Variants in RPAIN observed in about 807,000 individuals in gnomAD.
The protein encoded by RPAIN is RPA-interacting protein.
In RPAIN, 29 loss-of-function variants were observed where a neutral mutation model predicts 30.5. That is an observed-to-expected ratio of 0.95 (90% CI 0.71 to 1.30). The LOEUF (loss-of-function observed/expected upper bound fraction) is 1.30, where lower values mean the gene tolerates loss of function less well. RPAIN is among the 50% of genes most tolerant of loss of function. The probability of loss-of-function intolerance (pLI) is 0.00; values close to 1 mark genes in which losing one functional copy is unlikely to be tolerated. For synonymous variants in RPAIN, 101 were observed against 93.5 expected, an observed-to-expected ratio of 1.08 and a Z score of -0.46; for missense variants, 247 against 264.7, an observed-to-expected ratio of 0.93 and a Z score of 0.46.
At chr17:5,429,399 G>C (rs1009796442) in intron 6 of RPAIN, 9 of 985,318 alleles carry the variant, frequency 9.1e-6, no homozygotes, top group African/African-American at 1.7e-5. Context: ...TACTTAGCTG[G>C]AGCATTAGGT....
intron 2 of RPAIN, chr17:5,421,735 CCCTTGGAAATTATG>C (rs1205198804): frequency 1.9e-5 from 5 of 256,540 alleles, no homozygotes; most frequent in Non-Finnish European, 3.7e-5. Flanking sequence ...CTTGCCTCCA[CCCTTGGAAATTATG>C]ATTCAGTAGG....
intron 3 of RPAIN, 179 bp downstream of exon 3, chr17:5,423,008 C>T (rs1362242327): frequency 3.5e-6 from 2 of 572,566 alleles, no homozygotes; most frequent in South Asian, 2.4e-5. Context: ...TAAGGGTCTC[C>T]AGGGTGCTAG....
At chr17:5,421,252 G>C in intron 1 of RPAIN, 44 bp from the exon 2 acceptor site, 1 of 1,547,392 alleles carries the variant, frequency 6.5e-7, no homozygotes, top group Non-Finnish European at 8.7e-7. Flanking sequence ...TTTAAAAATA[G>C]AAATGCTTTT....
chr17:5,421,578 A>G (rs1914844790), intron 2 of RPAIN, 112 bp downstream of exon 2: 1 of 894,516 alleles, frequency 1.1e-6, no homozygotes. Flanking sequence ...CCCTAACCCC[A>G]TTTAGAATTC....
At chr17:5,421,789 T>G in intron 2 of RPAIN, 1 of 172,552 alleles carries the variant, frequency 5.8e-6, no homozygotes, top group Non-Finnish European at 1.2e-5. Flanking sequence ...TCTCTCCCTC[T>G]CTCTCGCTCT....
intron 6 of RPAIN, chr17:5,431,830 G>A: frequency 2.9e-6 from 1 of 349,842 alleles, no homozygotes; most frequent in South Asian, 2.2e-5. Context: ...TTTAGAGAAA[G>A]CCAAACATAT....
At position 5,424,785 on chromosome 17, in the gene RPAIN, CTG is replaced by C. The variant is rs923860599; in HGVS notation, c.314-1184_314-1183del. Reference sequence around the variant, plus strand: ...CCATGCAAGTGTTAGTTGTTAATGACTGTTGCTGTCGACTCTGGTTAGACTGT... The same window carrying C: ...CCATGCAAGTGTTAGTTGTTAATGACTTGCTGTCGACTCTGGTTAGACTGT... On this transcript the variant is annotated intron_variant, in intron 3 of 6. Transcript: ENST00000381209. Among the ~76,000 whole-genome samples the C allele has an allele frequency of 2.1e-4, 32 of 152,206 alleles. 1 individual carries two copies. Among genetic ancestry groups the C allele is most frequent in the Non-Finnish European group, 4.4e-5 (3 of 68,030 alleles).
intron 3 of RPAIN, 39 bp downstream of exon 3, chr17:5,422,868 C>G: frequency 6.8e-7 from 1 of 1,468,010 alleles, no homozygotes; most frequent in Non-Finnish European, 9.5e-7. Flanking sequence ...CTGTATTTAG[C>G]TACTGGAATA....
At chr17:5,425,793 G>A (rs1412002276) in intron 3 of RPAIN, among the ~76,000 whole-genome samples, 178 bp from the exon 4 acceptor site, 1 of 152,208 alleles carries the variant, frequency 6.6e-6, no homozygotes, top group African/African-American at 2.4e-5. Flanking sequence ...ACAGAGAGGA[G>A]GGAGAGGAAT....
intron 5 of RPAIN, 24 bp downstream of exon 5, chr17:5,426,323 C>T: frequency 2.5e-6 from 4 of 1,590,500 alleles, no homozygotes; most frequent in Non-Finnish European, 3.5e-6. Context: ...ACACAGATTT[C>T]ATGATACTTC....
At chr17:5,421,534 A>G (rs930762359) in intron 2 of RPAIN, 68 bp downstream of exon 2, 20 of 1,465,072 alleles carry the variant, frequency 1.4e-5, no homozygotes, top group Non-Finnish European at 6.5e-6. Context: ...GTCCTCTTTT[A>G]TTTGTTTACT....
rs1419728445 is a variant in RPAIN at position 5,432,743 on chromosome 17, T to C, written c.*172T>C. On this transcript the variant is annotated 3_prime_UTR_variant, in exon 7 of 7. Coordinates refer to ENST00000381209, the MANE Select transcript of RPAIN (RefSeq NM_001033002.4). ...TGTTCTTGGTCTTTTGTGACGCAGG[T>C]TGAAGGGGGAGGAATAGAAAAAGAC... The C allele has an allele frequency of 1.3e-6, 1 of 778,906 alleles. No individual in the cohort carries two copies. Among genetic ancestry groups the C allele is most frequent in the Middle Eastern group, 3.6e-4 (1 of 2,782 alleles). The allele number at this position is 778,906 out of a possible 1,614,324, so 48.2% of individuals were successfully genotyped here.
chr17:5,428,156 A>G lies in RPAIN; in HGVS notation c.575A>G (p.Glu192Gly). 3 of 1,614,150 alleles carry G rather than the reference A, an allele frequency of 1.9e-6. No homozygotes were observed. Among genetic ancestry groups the G allele is most frequent in the Non-Finnish European group, 2.5e-6 (3 of 1,180,004 alleles). The part of the protein sequence containing the change: ...EHSAHCPHTP[E>G]FSVTGGTEEK... ...AGTGCACATTGTCCCCACACACCTGAATTTTCAGTCACTGGAGGAACAGAA... is the reference window on the plus strand; with the variant it reads ...AGTGCACATTGTCCCCACACACCTGGATTTTCAGTCACTGGAGGAACAGAA... Residue 192 changes from glutamate to glycine, a missense_variant, in exon 6 of 7, where the codon GAA (glutamate) becomes GGA (glycine). By Grantham distance (98) the Glu-to-Gly change is moderately conservative. Transcript: ENST00000381209.
intron 3 of RPAIN, among the ~76,000 whole-genome samples, chr17:5,424,061 C>T (rs1478391873): frequency 6.7e-6 from 1 of 150,222 alleles, no homozygotes; most frequent in Non-Finnish European, 1.5e-5. Context: ...AATCATGGCT[C>T]ACTGTGGCTT....
chr17:5,425,284 G>C (rs927054844), intron 3 of RPAIN: 29 of 455,728 alleles, frequency 6.4e-5, no homozygotes, highest in African/African-American at 4.6e-4. Flanking sequence ...GAACAACACA[G>C]ATTCCAAGTA....
At chr17:5,420,769 C>T (rs968795083) in intron 1 of RPAIN, among the ~76,000 whole-genome samples, 1 of 152,184 alleles carries the variant, frequency 6.6e-6, no homozygotes, top group Non-Finnish European at 1.5e-5. Flanking sequence ...AGTTTCTCAG[C>T]CTTGACAATG....
chr17:5,432,869 CACAAA>C lies in RPAIN; in HGVS notation c.*302_*306del. ...AGAAAAAAATGATAATAAATGAGAACACAAAACATATAATTTAAATTTGGTATTTT... is the reference window on the plus strand; with the variant it reads ...AGAAAAAAATGATAATAAATGAGAACACATATAATTTAAATTTGGTATTTT... On this transcript the variant is annotated 3_prime_UTR_variant, in exon 7 of 7. Transcript: ENST00000381209. The C allele has an allele frequency of 9.8e-7, 1 of 1,015,484 alleles. No individual in the cohort carries two copies. Among genetic ancestry groups the C allele is most frequent in the Non-Finnish European group, 1.4e-6 (1 of 724,856 alleles). 62.9% of individuals were successfully genotyped at this position (1,015,484 alleles called of 1,614,324 possible).
chr17:5,425,545 A>G, intron 3 of RPAIN: 1 of 349,514 alleles, frequency 2.9e-6, no homozygotes, highest in Non-Finnish European at 5.6e-6. Context: ...CATGTTGGCC[A>G]GGCTGGTTTC....
rs148357497 is a variant in RPAIN, at chr17:5,426,253, C to A, written c.443C>A (p.Thr148Lys). The change falls in exon 5 of 7, where the codon ACA becomes AAA. Residue 148 changes from threonine to lysine, a missense_variant. Physicochemically the swap from Thr to Lys is moderately conservative, Grantham distance 78. Coordinates refer to ENST00000381209, the MANE Select transcript of RPAIN (RefSeq NM_001033002.4). ...PVCTKYNLRI[T>K]SGVVVCQCGL... ...GCTTCTAGGTACAACCTGAGAATCA[C>A]AAGCGGTGTGGTGGTGTGTCAGTGT... 2 of 1,614,090 alleles carry A rather than the reference C, an allele frequency of 1.2e-6. No individual in the cohort carries two copies. Among genetic ancestry groups the A allele is most frequent in the African/African-American group, 2.7e-5 (2 of 74,944 alleles).
Sources: allele counts gnomAD v4.1 joint callset (sites outside exome capture counted in the v4.1 genomes callset), GRCh38; gene constraint gnomAD v4.1.1; transcripts MANE v1.5; gene names NCBI Gene and HGNC (gene_info 2026-07-23, HGNC 2026-07-21).